Variants in ROBO2 observed in about 807,000 individuals in gnomAD.
ROBO2 encodes roundabout homolog 2.
A neutral mutation model predicts 160.8 loss-of-function variants in ROBO2; 53 were observed. The ratio of observed to expected loss-of-function variants is 0.33; its 90% CI spans 0.26 to 0.41. ROBO2 has a LOEUF of 0.41. ROBO2 is among the 10% of genes least tolerant of loss of function. The pLI, the probability that ROBO2 is intolerant of heterozygous loss-of-function variation, is 1.00. For missense variants in ROBO2, 1,577 were observed against 1,722.4 expected, an observed-to-expected ratio of 0.92 and a Z score of 1.49; for synonymous variants, 664 against 611.7, an observed-to-expected ratio of 1.09 and a Z score of -1.26.
In ROBO2 at chr3:76,451,135, C is replaced by T. The variant is rs529174922; in HGVS notation, c.109+513533C>T. Among the ~76,000 whole-genome samples, 126 of 152,136 alleles carry T rather than the reference C, an allele frequency of 8.3e-4. 1 individual carries two copies. The highest frequency in any genetic ancestry group is 2.7e-3 in the African/African-American group (113 of 41,510). Reference sequence around the variant, plus strand: ...GCTCTTCAGTGCTTTCATCTGAAGGCGACACGTTACTTGCCATACAACTGA... The same window carrying T: ...GCTCTTCAGTGCTTTCATCTGAAGGTGACACGTTACTTGCCATACAACTGA... On this transcript the variant is annotated intron_variant, in intron 2 of 26. Coordinates refer to the ROBO2 transcript ENST00000487694.
In ROBO2 at chr3:76,577,508, T is replaced by C. The variant is rs184311849; in HGVS notation, c.110-520506T>C. On this transcript the variant is annotated intron_variant, in intron 2 of 26. Coordinates refer to the ROBO2 transcript ENST00000487694. The stretch of plus-strand genomic sequence containing the variant: ...AGCAGAAACTGTCCAAATCAAAGAG[T>C]CAAGCATATTGTCTTTAATTAACAC... 2.8e-4 allele frequency among the ~76,000 whole-genome samples: 42 copies of C among 152,056 alleles called. 2 individuals are homozygous for C. The highest frequency in any genetic ancestry group is 2.7e-3 in the South Asian group (13 of 4,812).
intron 2 of ROBO2, among the ~76,000 whole-genome samples, chr3:76,272,415 A>G (rs1707489875): frequency 6.6e-6 from 1 of 152,000 alleles, no homozygotes; most frequent in Admixed American, 6.6e-5. Context: ...CTGTAATTCC[A>G]GCACTTTGGG....
At chr3:76,747,219 C>T (rs948171576) in intron 2 of ROBO2, among the ~76,000 whole-genome samples, 1 of 152,066 alleles carries the variant, frequency 6.6e-6, no homozygotes, top group East Asian at 1.9e-4. Context: ...TAAAAGCAAA[C>T]AACATCTGTT....
chr3:76,850,062 C>A (rs1251244515), intron 2 of ROBO2, among the ~76,000 whole-genome samples: 1 of 152,070 alleles, frequency 6.6e-6, no homozygotes, highest in Non-Finnish European at 1.5e-5. Context: ...TGGCACAGGC[C>A]TCTAGTCCCA....
At chr3:76,475,061 G>A (rs925974337) in intron 2 of ROBO2, among the ~76,000 whole-genome samples, 2 of 151,930 alleles carry the variant, frequency 1.3e-5, no homozygotes, top group Admixed American at 1.3e-4. Context: ...ATAGGAAGAT[G>A]GGGAGGAAAT....
chr3:77,566,679 C>T (rs150731892), intron 12 of ROBO2, among the ~76,000 whole-genome samples: 294 of 152,092 alleles, frequency 1.9e-3, no homozygotes, highest in Middle Eastern at 6.8e-3. Flanking sequence ...AAATAACTCG[C>T]AGTGAAGAGG....
At chr3:76,719,908 T>G (rs2093439128) in intron 2 of ROBO2, among the ~76,000 whole-genome samples, 1 of 151,872 alleles carries the variant, frequency 6.6e-6, no homozygotes, top group African/African-American at 2.4e-5. Context: ...AAGCATTTCT[T>G]TAGAGAAAAA....
chr3:76,109,413 T>C lies in ROBO2; in HGVS notation c.109+171811T>C, dbSNP rs368063998. Among the ~76,000 whole-genome samples, 150 of 152,142 alleles carry C rather than the reference T, an allele frequency of 9.9e-4. 3 individuals carry two copies. The South Asian group carries it at 0.031, about 31-fold the overall frequency. On this transcript the variant is annotated intron_variant, in intron 2 of 26. Coordinates refer to the ROBO2 transcript ENST00000487694. ...AGAAACGCAAGATGTCAGGTACCAC[T>C]ACTACTAATAATACCATATGTGGCT...
At chr3:75,980,249 A>G (rs2065239755) in intron 2 of ROBO2, among the ~76,000 whole-genome samples, 1 of 151,542 alleles carries the variant, frequency 6.6e-6, no homozygotes, top group Non-Finnish European at 1.5e-5. Flanking sequence ...GTGGAACATG[A>G]GCCTCCCTCT....
At position 76,851,592 on chromosome 3, in the gene ROBO2, G is replaced by T. The variant is rs555298853; in HGVS notation, c.110-246422G>T. ...CTACTAAAAATACAAAAAATTAGCC[G>T]GGCGCGGTGGCGGGCGCCTGTAGTC... On this transcript the variant is annotated intron_variant, in intron 2 of 26. Transcript: ENST00000487694. Among the ~76,000 whole-genome samples, 3 of 150,078 alleles carry T rather than the reference G, an allele frequency of 2.0e-5. No individual in the cohort carries two copies. The East Asian group carries it at 6.0e-4, about 30-fold the overall frequency.
At chr3:77,117,346 C>G (rs4475074) in intron 2 of ROBO2, among the ~76,000 whole-genome samples, 30,908 of 151,876 alleles carry the variant, frequency 0.2, 3,957 homozygotes, top group Non-Finnish European at 0.29. Context: ...AAATAAAACC[C>G]CAACTCAAAT....
chr3:77,190,276 T>C (rs1183260529), intron 2 of ROBO2, among the ~76,000 whole-genome samples: 3 of 151,986 alleles, frequency 2.0e-5, no homozygotes. Flanking sequence ...TACTAGAAAA[T>C]TCTAGCTGTG....
chr3:77,008,710 G>A (rs926880073), intron 2 of ROBO2, among the ~76,000 whole-genome samples: 2 of 152,112 alleles, frequency 1.3e-5, no homozygotes, highest in Non-Finnish European at 2.9e-5. Flanking sequence ...TATAGAATTG[G>A]AAAACATCTG....
At chr3:77,190,287 C>A (rs1343207165) in intron 2 of ROBO2, among the ~76,000 whole-genome samples, 1 of 151,886 alleles carries the variant, frequency 6.6e-6, no homozygotes, top group Non-Finnish European at 1.5e-5. Flanking sequence ...TCTAGCTGTG[C>A]TCAGAAAAAG....
chr3:76,911,431 G>A (rs556266296), intron 2 of ROBO2, among the ~76,000 whole-genome samples: 4 of 152,140 alleles, frequency 2.6e-5, no homozygotes, highest in Non-Finnish European at 5.9e-5. Flanking sequence ...AGTTACTGTT[G>A]GGTTTATTCA....
chr3:76,408,674 G>A (rs540749216), intron 2 of ROBO2, among the ~76,000 whole-genome samples: 19 of 152,068 alleles, frequency 1.2e-4, no homozygotes, highest in African/African-American at 4.3e-4. Context: ...TTAGAGAAAG[G>A]GCTGTGATAA....
At chr3:76,756,865 C>A (rs534428911) in intron 2 of ROBO2, among the ~76,000 whole-genome samples, 77 of 151,782 alleles carry the variant, frequency 5.1e-4, no homozygotes, top group African/African-American at 1.8e-3. Context: ...CTTTAAATTG[C>A]AACAGCAGCA....
In ROBO2 at chr3:76,674,331, C is replaced by T. The variant is rs112283444; in HGVS notation, c.110-423683C>T. Among the ~76,000 whole-genome samples, 177 of 152,064 alleles carry T rather than the reference C, an allele frequency of 1.2e-3. 1 individual carries two copies. The highest frequency in any genetic ancestry group is 3.9e-3 in the African/African-American group (162 of 41,502). On this transcript the variant is annotated intron_variant, in intron 2 of 26. Transcript: ENST00000487694. ...TCGTCAGATGCTGATAATCTTGGAACGGCACTAAACATGGCAGCATCCCCC... is the reference window on the plus strand; with the variant it reads ...TCGTCAGATGCTGATAATCTTGGAATGGCACTAAACATGGCAGCATCCCCC...
chr3:76,391,222 G>T (rs1219478463), intron 2 of ROBO2, among the ~76,000 whole-genome samples: 1 of 152,058 alleles, frequency 6.6e-6, no homozygotes, highest in Non-Finnish European at 1.5e-5. Flanking sequence ...TATACATCTG[G>T]CCATAGACTT....
Sources: gnomAD v4.1 joint callset for allele counts (sites outside exome capture counted in the v4.1 genomes callset) on GRCh38, gnomAD v4.1.1 for gene constraint, MANE v1.5 for transcripts, NCBI Gene and HGNC (gene_info 2026-07-23, HGNC 2026-07-21) for gene names.